Variants in FLRT1 observed in about 807,000 individuals in gnomAD.
The protein encoded by FLRT1 is fibronectin leucine rich transmembrane protein 1, also known as leucine-rich repeat transmembrane protein FLRT1.
A neutral mutation model predicts 30.9 loss-of-function variants in FLRT1; 14 were observed. The ratio of observed to expected loss-of-function variants is 0.45; its 90% CI spans 0.30 to 0.71. FLRT1 has a LOEUF of 0.71. Among genes scored for constraint, FLRT1 ranks in the 30% least tolerant of loss-of-function variants. The pLI is 0.08. For missense variants in FLRT1, 737 were observed against 949.2 expected (o/e 0.78, Z 2.94); for synonymous variants, 368 against 430.4 (o/e 0.85, Z 1.80).
intron 1 of FLRT1, among the ~76,000 whole-genome samples, chr11:64,045,515 C>T (rs959843003): frequency 1.3e-5 from 2 of 152,156 alleles, no homozygotes; most frequent in African/African-American, 4.8e-5. Flanking sequence ...GGGGGCTCTA[C>T]CACCCCTATC....
chr11:64,081,312 A>G lies in FLRT1; in HGVS notation c.-1037-21882A>G, dbSNP rs143613843. Among the ~76,000 whole-genome samples, 312 of 152,066 alleles carry G rather than the reference A, an allele frequency of 2.1e-3. 3 individuals carry two copies. In the East Asian group the frequency reaches 0.039, roughly 19 times the overall value. ...GCTGGGATTACAGGCGTGAGCCACC[A>G]CGCCCAGCCTACACTTCATATTTTA... is the stretch of plus-strand genomic sequence containing the variant. On this transcript the variant is annotated intron_variant, in intron 1 of 2. Coordinates refer to ENST00000682287, the MANE Select transcript of FLRT1 (RefSeq NM_013280.5).
intron 2 of FLRT1, among the ~76,000 whole-genome samples, chr11:64,113,411 T>C (rs1002710697): frequency 3.2e-5 from 4 of 124,590 alleles, no homozygotes; most frequent in African/African-American, 5.2e-5. Flanking sequence ...AATGGACAGG[T>C]TGATGCATGG....
chr11:64,046,027 A>G (rs773440738), intron 1 of FLRT1, among the ~76,000 whole-genome samples: 1 of 152,232 alleles, frequency 6.6e-6, no homozygotes, highest in Non-Finnish European at 1.5e-5. Flanking sequence ...TTTAATCCCC[A>G]TAAGTGGGCA....
At chr11:64,110,389 G>A (rs769946240) in intron 2 of FLRT1, among the ~76,000 whole-genome samples, 3 of 151,762 alleles carry the variant, frequency 2.0e-5, no homozygotes, top group Non-Finnish European at 2.9e-5. Flanking sequence ...GGTCGAGGCT[G>A]CAGTGAGCCG....
chr11:64,102,944 G>A (rs989019714), intron 1 of FLRT1, among the ~76,000 whole-genome samples: 3 of 152,100 alleles, frequency 2.0e-5, no homozygotes, highest in Admixed American at 1.3e-4. Flanking sequence ...GGTGGCTCAC[G>A]CCTGTAGTCC....
intron 1 of FLRT1, among the ~76,000 whole-genome samples, chr11:64,073,355 C>T (rs1300448007): frequency 6.6e-6 from 1 of 152,232 alleles, no homozygotes; most frequent in Non-Finnish European, 1.5e-5. Flanking sequence ...TGGCTTTGCT[C>T]TGAGGCAGCC....
intron 1 of FLRT1, among the ~76,000 whole-genome samples, chr11:64,100,936 C>T (rs186941329): frequency 1.1e-3 from 171 of 152,204 alleles, no homozygotes; most frequent in South Asian, 2.1e-3. Flanking sequence ...CACTTAGTGC[C>T]TTGGTTTTCT....
intron 1 of FLRT1, among the ~76,000 whole-genome samples, chr11:64,043,974 G>A (rs1425009362): frequency 2.0e-5 from 3 of 151,864 alleles, no homozygotes; most frequent in Non-Finnish European, 2.9e-5. Flanking sequence ...CCACCACGCC[G>A]GGCTAATTTT....
intron 1 of FLRT1, among the ~76,000 whole-genome samples, chr11:64,049,677 C>G (rs1590838852): frequency 6.6e-6 from 1 of 152,228 alleles, no homozygotes; most frequent in South Asian, 2.1e-4. Context: ...TGCAGACAGA[C>G]AGCTCAGTGA....
chr11:64,114,889 C>T lies in FLRT1; in HGVS notation c.-49-1330C>T, dbSNP rs555289503. Among the ~76,000 whole-genome samples, 3 of 152,316 alleles carry T rather than the reference C, an allele frequency of 2.0e-5. No individual in the cohort carries two copies. The East Asian group carries it at 5.8e-4, about 29-fold the overall frequency. On this transcript the variant is annotated intron_variant, in intron 2 of 2. Transcript: ENST00000682287. ...GAGGAGGTAACATTTGAGCTGGGTC[C>T]TGCAAGAGTAGCTTGCTCGATGGAA...
rs940345471 is a variant in FLRT1, at chr11:64,068,539, T to C, written c.-1038+32380T>C. Among the ~76,000 whole-genome samples, 7 of 152,242 alleles carry C rather than the reference T, an allele frequency of 4.6e-5. No homozygotes were observed. In the East Asian group the frequency reaches 1.3e-3, roughly 29 times the overall value. On this transcript the variant is annotated intron_variant, in intron 1 of 2. Coordinates refer to ENST00000682287, the MANE Select transcript of FLRT1 (RefSeq NM_013280.5). ...GATGGTTGTCTCCCTTGCACATATT[T>C]ACTGCCGATTACTCTTACAGAGCCC...
intron 1 of FLRT1, among the ~76,000 whole-genome samples, chr11:64,076,616 A>G (rs1214535747): frequency 6.6e-6 from 1 of 152,168 alleles, no homozygotes; most frequent in Non-Finnish European, 1.5e-5. Flanking sequence ...TACTATCATT[A>G]TCTCCATTTT....
At position 64,117,756 on chromosome 11, in the gene FLRT1, C is replaced by T; in HGVS notation, c.1489C>T (p.Leu497=). Residue 497 remains leucine, a synonymous_variant, in exon 3 of 3, where the codon CTG becomes TTG. Coordinates refer to ENST00000682287, the MANE Select transcript of FLRT1 (RefSeq NM_013280.5). ...GDKTEYLLTA[L]EPKSTYIICM... is the part of the protein sequence containing the mutation. The stretch of plus-strand genomic sequence containing the variant: ...CAAGACAGAGTACCTGCTGACAGCC[C>T]TGGAGCCCAAGTCCACCTACATCAT... The T allele has an allele frequency of 6.2e-7, 1 of 1,614,096 alleles. No homozygotes were observed. The highest frequency in any genetic ancestry group is 8.5e-7 in the Non-Finnish European group (1 of 1,180,052).
At chr11:64,109,953 G>A (rs893336777) in intron 2 of FLRT1, among the ~76,000 whole-genome samples, 6 of 152,262 alleles carry the variant, frequency 3.9e-5, no homozygotes, top group African/African-American at 1.4e-4. Flanking sequence ...AAGCTAGGCC[G>A]TGTGTCTGGG....
chr11:64,075,957 G>A (rs2701548), intron 1 of FLRT1, among the ~76,000 whole-genome samples: 23,721 of 152,184 alleles, frequency 0.16, 2,755 homozygotes, highest in African/African-American at 0.33. Flanking sequence ...TGCAGGCGTG[G>A]GCCACTGTGC....
At chr11:64,111,173 G>A (rs1280477978) in intron 2 of FLRT1, among the ~76,000 whole-genome samples, 1 of 152,250 alleles carries the variant, frequency 6.6e-6, no homozygotes, top group Non-Finnish European at 1.5e-5. Context: ...TCCATACCAG[G>A]GAATGCGGTG....
At position 64,116,206 on chromosome 11, in the gene FLRT1, G is replaced by A; in HGVS notation, c.-49-13G>A. ...GCCTCCCTCTCACTGCCCCTGTCCT[G>A]TGCTCCTTGCAGGTATTCAGGCTCC... On this transcript the variant is annotated splice_polypyrimidine_tract_variant and intron_variant, in intron 2 of 2. Transcript: ENST00000682287. 1 of 1,548,044 alleles carries A rather than the reference G, an allele frequency of 6.5e-7. No homozygotes were observed. The highest frequency in any genetic ancestry group is 8.7e-7 in the Non-Finnish European group (1 of 1,153,140).
chr11:64,093,074 T>A (rs1944518187), intron 1 of FLRT1, among the ~76,000 whole-genome samples: 2 of 152,192 alleles, frequency 1.3e-5, no homozygotes, highest in Non-Finnish European at 1.5e-5. Context: ...ATCCAGGCTC[T>A]GGAGCAGACC....
chr11:64,080,278 G>A (rs956656786), intron 1 of FLRT1, among the ~76,000 whole-genome samples: 1 of 152,212 alleles, frequency 6.6e-6, no homozygotes, highest in African/African-American at 2.4e-5. Flanking sequence ...CTCCCAAAGT[G>A]CTGGGATTAC....
Sources: allele counts gnomAD v4.1 joint callset (sites outside exome capture counted in the v4.1 genomes callset), GRCh38; gene constraint gnomAD v4.1.1; transcripts MANE v1.5; gene names NCBI Gene and HGNC (gene_info 2026-07-23, HGNC 2026-07-21).